ASTN2: variants seen among roughly 807,000 people sequenced by gnomAD.
The protein encoded by ASTN2 is astrotactin-2.
Under a neutral mutation model 139.8 loss-of-function variants are expected in ASTN2, and 54 were observed. The observed-to-expected ratio is 0.39, with a 90% CI of 0.31 to 0.48. ASTN2 has a LOEUF of 0.48. Ranked by LOEUF, ASTN2 falls within the 20% of genes least tolerant of loss-of-function variation. The probability of loss-of-function intolerance (pLI) is 0.95; values close to 1 mark genes in which losing one functional copy is unlikely to be tolerated. For missense variants in ASTN2, 1,565 were observed against 1,725.1 expected (o/e 0.91, Z 1.64); for synonymous variants, 756 against 719.5 (o/e 1.05, Z -0.81).
rs3924643 is a variant in ASTN2 at position 117,337,189 on chromosome 9, C to T, written c.443-45676G>A. On this transcript the variant is annotated intron_variant, in intron 1 of 22. Coordinates refer to ENST00000313400, the MANE Select transcript of ASTN2 (RefSeq NM_001365068.1). ...ACCTCTGCATCAGTGCAACAAATTA[C>T]TATGAAATGGGGAATTCCCATTTTA... 6.8e-3 allele frequency among the ~76,000 whole-genome samples: 1,038 copies of T among 151,686 alleles called. 17 individuals are homozygous for T. The highest frequency in any genetic ancestry group is 0.024 in the African/African-American group (1,002 of 41,420).
chr9:117,166,984 T>C (rs1830684088), intron 3 of ASTN2, among the ~76,000 whole-genome samples: 1 of 152,086 alleles, frequency 6.6e-6, no homozygotes, highest in South Asian at 2.1e-4. Flanking sequence ...TATAAAAGAG[T>C]AATGTTAAAA....
chr9:116,959,484 G>A (rs1006024589), intron 10 of ASTN2, among the ~76,000 whole-genome samples: 1 of 152,120 alleles, frequency 6.6e-6, no homozygotes, highest in Non-Finnish European at 1.5e-5. Context: ...GCAAGTTTGC[G>A]GTTTAGATGA....
intron 10 of ASTN2, among the ~76,000 whole-genome samples, chr9:116,933,963 G>A (rs1564347583): frequency 1.2e-5 from 1 of 85,476 alleles, no homozygotes; most frequent in Admixed American, 1.5e-4. Flanking sequence ...GACCTCAGTT[G>A]TGCGAAGTGT....
intron 16 of ASTN2, among the ~76,000 whole-genome samples, chr9:116,680,465 T>C (rs1173939399): frequency 1.3e-5 from 2 of 152,208 alleles, no homozygotes; most frequent in African/African-American, 4.8e-5. Context: ...ACTGGTATCA[T>C]TCCTTCTGAA....
At chr9:116,463,916 T>TTTTG (rs1202892543) in intron 20 of ASTN2, among the ~76,000 whole-genome samples, 2 of 149,786 alleles carry the variant, frequency 1.3e-5, no homozygotes, top group Non-Finnish European at 3.0e-5. Context: ...GTGTTTTTTT[T>TTTTG]TTTTTTTTTT....
intron 3 of ASTN2, among the ~76,000 whole-genome samples, chr9:117,206,779 T>G (rs1831940255): frequency 6.6e-6 from 1 of 151,996 alleles, no homozygotes. Flanking sequence ...GCCAAACCAC[T>G]GCTCACCCAC....
At chr9:117,352,003 T>C (rs1829407428) in intron 1 of ASTN2, among the ~76,000 whole-genome samples, 1 of 152,180 alleles carries the variant, frequency 6.6e-6, no homozygotes, top group Non-Finnish European at 1.5e-5. Context: ...CCGCTTACTA[T>C]TAATATCTTT....
At chr9:117,205,050 T>C (rs1831870071) in intron 3 of ASTN2, among the ~76,000 whole-genome samples, 2 of 152,190 alleles carry the variant, frequency 1.3e-5, no homozygotes, top group Non-Finnish European at 2.9e-5. Flanking sequence ...ATAAAATAAA[T>C]GCAGACTGTC....
intron 12 of ASTN2, among the ~76,000 whole-genome samples, chr9:116,806,792 A>C (rs1187653890): frequency 6.6e-6 from 1 of 150,584 alleles, no homozygotes; most frequent in Non-Finnish European, 1.5e-5. Context: ...CATTGGCCAC[A>C]AAAAAAACAG....
intron 10 of ASTN2, among the ~76,000 whole-genome samples, chr9:116,963,212 GAGGAAGTGATGCTTCTGTA>G (rs1449144813): frequency 4.6e-5 from 7 of 152,312 alleles, no homozygotes; most frequent in African/African-American, 1.7e-4. Flanking sequence ...AGGATGCTCA[GAGGAAGTGATGCTTCTGTA>G]AGGCTGGGAT....
At chr9:116,474,374 A>G (rs190700381) in intron 20 of ASTN2, among the ~76,000 whole-genome samples, 37 of 152,286 alleles carry the variant, frequency 2.4e-4, no homozygotes, top group Non-Finnish European at 2.9e-5. Flanking sequence ...CAGTCTCACT[A>G]TCCTGTGATT....
intron 10 of ASTN2, among the ~76,000 whole-genome samples, chr9:116,867,592 A>C (rs1833051815): frequency 6.6e-6 from 1 of 151,122 alleles, no homozygotes. Flanking sequence ...ACACAGAGCC[A>C]TGGAGAGCAG....
intron 22 of ASTN2, among the ~76,000 whole-genome samples, chr9:116,431,514 C>A (rs150940616): frequency 4.2e-4 from 64 of 152,248 alleles, no homozygotes; most frequent in African/African-American, 1.5e-3. Flanking sequence ...ATGTAAATTG[C>A]AGCCAGATCA....
chr9:116,906,027 T>C (rs1053615252), intron 10 of ASTN2, among the ~76,000 whole-genome samples: 4 of 152,108 alleles, frequency 2.6e-5, no homozygotes, highest in Admixed American at 2.6e-4. Flanking sequence ...CAGGTTCCTG[T>C]TCTCCACTGA....
At chr9:117,186,838 A>T (rs376806976) in intron 3 of ASTN2, among the ~76,000 whole-genome samples, 1 of 152,312 alleles carries the variant, frequency 6.6e-6, no homozygotes. Flanking sequence ...GGTGGCAAAA[A>T]TTATAAAGAA....
intron 7 of ASTN2, among the ~76,000 whole-genome samples, chr9:116,994,001 C>T (rs537716730): frequency 2.0e-5 from 3 of 151,598 alleles, no homozygotes; most frequent in Non-Finnish European, 4.4e-5. Context: ...CAGAGCCTCA[C>T]ATCCTGGTTA....
chr9:116,967,714 G>A (rs765487533), intron 10 of ASTN2, among the ~76,000 whole-genome samples: 12 of 152,162 alleles, frequency 7.9e-5, no homozygotes, highest in Admixed American at 1.3e-4. Context: ...ATGTAAGACC[G>A]GTATCAAGGG....
At chr9:116,823,822 C>T (rs1486753787) in intron 11 of ASTN2, among the ~76,000 whole-genome samples, 1 of 152,172 alleles carries the variant, frequency 6.6e-6, no homozygotes, top group African/African-American at 2.4e-5. Flanking sequence ...GTGGGTTTAC[C>T]AGTTACCATC....
intron 19 of ASTN2, among the ~76,000 whole-genome samples, chr9:116,513,805 T>G (rs1850516625): frequency 6.6e-6 from 1 of 152,274 alleles, no homozygotes; most frequent in Non-Finnish European, 1.5e-5. Flanking sequence ...CTACTGAAGC[T>G]TGTGCATTCG....
Sources: allele counts gnomAD v4.1 joint callset (sites outside exome capture counted in the v4.1 genomes callset), GRCh38; gene constraint gnomAD v4.1.1; transcripts MANE v1.5; gene names NCBI Gene and HGNC (gene_info 2026-07-23, HGNC 2026-07-21).